The following INVS variants were observed in gnomAD, a reference collection of about 807,000 sequenced individuals.
INVS encodes the protein inversin.
A neutral mutation model predicts 108.8 loss-of-function variants in INVS; 86 were observed. That is an observed-to-expected ratio of 0.79 (90% CI 0.66 to 0.95). The LOEUF is 0.95. Ranked by LOEUF, INVS falls within the 40% of genes least tolerant of loss-of-function variation. INVS has a pLI of 0.00. For synonymous variants in INVS, 455 were observed against 473.5 expected (o/e 0.96, Z 0.51); for missense variants, 1,169 against 1,297.4 (o/e 0.90, Z 1.52).
At chr9:100,145,029 T>G (rs1828556063) in intron 3 of INVS, among the ~76,000 whole-genome samples, 1 of 152,164 alleles carries the variant, frequency 6.6e-6, no homozygotes, top group Non-Finnish European at 1.5e-5. Context: ...TCTGTCTATT[T>G]GGAACCACTG....
chr9:100,300,053 C>T (rs577953089), intron 16 of INVS, among the ~76,000 whole-genome samples: 3 of 152,260 alleles, frequency 2.0e-5, no homozygotes, highest in South Asian at 4.1e-4. Context: ...TATCATTTGT[C>T]AAAGTATATC....
At chr9:100,259,354 C>G (rs756370545) in intron 10 of INVS, among the ~76,000 whole-genome samples, 1 of 152,084 alleles carries the variant, frequency 6.6e-6, no homozygotes, top group Non-Finnish European at 1.5e-5. Context: ...GGGAATTCCC[C>G]GACCCCTTGC....
At chr9:100,134,662 T>A (rs571291572) in intron 3 of INVS, among the ~76,000 whole-genome samples, 16 of 152,296 alleles carry the variant, frequency 1.1e-4, no homozygotes, top group African/African-American at 3.6e-4. Flanking sequence ...TGGTATTGTG[T>A]TGTGGTTTTG....
chr9:100,144,077 A>G (rs963132276), intron 3 of INVS, among the ~76,000 whole-genome samples: 1 of 151,948 alleles, frequency 6.6e-6, no homozygotes, highest in Non-Finnish European at 1.5e-5. Flanking sequence ...GTGGGGTCCT[A>G]CACAGATGGG....
At chr9:100,239,662 C>T (rs1035141998) in intron 5 of INVS, among the ~76,000 whole-genome samples, 9 of 152,038 alleles carry the variant, frequency 5.9e-5, no homozygotes, top group African/African-American at 1.4e-4. Context: ...GGTCTTATTT[C>T]GAAAATTCCT....
intron 3 of INVS, among the ~76,000 whole-genome samples, chr9:100,140,600 TC>T (rs1223878697): frequency 1.3e-5 from 2 of 152,178 alleles, no homozygotes; most frequent in African/African-American, 4.8e-5. Context: ...ATTCCTGTCT[TC>T]TTATATTAAT....
At chr9:100,164,309 A>G (rs1829289884) in intron 3 of INVS, among the ~76,000 whole-genome samples, 1 of 152,166 alleles carries the variant, frequency 6.6e-6, no homozygotes, top group African/African-American at 2.4e-5. Flanking sequence ...ATACATTGTT[A>G]TTAACTCTAG....
chr9:100,173,493 C>G (rs1044303351), intron 3 of INVS, among the ~76,000 whole-genome samples: 1 of 152,074 alleles, frequency 6.6e-6, no homozygotes, highest in African/African-American at 2.4e-5. Context: ...TTTGGGAGGC[C>G]AAGGCAGGTG....
At chr9:100,152,226 C>CTTTT (rs151283376) in intron 3 of INVS, among the ~76,000 whole-genome samples, 31,738 of 151,808 alleles carry the variant, frequency 0.21, 5,604 homozygotes, top group African/African-American at 0.49. Context: ...TCTTAGTCAT[C>CTTTT]TTATTTCCAA....
intron 12 of INVS, among the ~76,000 whole-genome samples, chr9:100,278,837 A>C (rs1338124): frequency 0.33 from 50,927 of 152,064 alleles, 9,205 homozygotes; most frequent in Non-Finnish European, 0.42. Flanking sequence ...TTACATATTC[A>C]TTTTGTTTTC....
At chr9:100,287,347 G>A (rs1833477520) in intron 13 of INVS, among the ~76,000 whole-genome samples, 1 of 152,180 alleles carries the variant, frequency 6.6e-6, no homozygotes, top group Non-Finnish European at 1.5e-5. Context: ...ATCAAAGCAA[G>A]TTACGAGACC....
chr9:100,281,094 A>C (rs564671805), intron 12 of INVS, among the ~76,000 whole-genome samples: 1 of 152,236 alleles, frequency 6.6e-6, no homozygotes, highest in East Asian at 1.9e-4. Flanking sequence ...TGGCATCCCC[A>C]GCTTCTTTGT....
intron 2 of INVS, among the ~76,000 whole-genome samples, chr9:100,125,309 T>C (rs912691641): frequency 1.3e-5 from 2 of 152,336 alleles, no homozygotes; most frequent in East Asian, 1.9e-4. Flanking sequence ...TCTTTTATTG[T>C]ATGTGTTTTG....
intron 16 of INVS, chr9:100,298,467 G>T (rs987049876): frequency 2.8e-6 from 1 of 356,666 alleles, no homozygotes; most frequent in African/African-American, 2.2e-5. Context: ...GAAGCTCAGG[G>T]AACTTTCTTT....
intron 12 of INVS, among the ~76,000 whole-genome samples, chr9:100,280,907 G>A (rs982279082): frequency 7.5e-4 from 114 of 152,082 alleles, no homozygotes; most frequent in African/African-American, 2.7e-3. Flanking sequence ...GGGCAACATA[G>A]GGAGACCTTG....
chr9:100,124,437 A>T (rs1393812000), intron 2 of INVS, among the ~76,000 whole-genome samples: 1 of 151,862 alleles, frequency 6.6e-6, no homozygotes, highest in Non-Finnish European at 1.5e-5. Flanking sequence ...ATTAAAGAGG[A>T]TAAGCCAGGC....
intron 13 of INVS, among the ~76,000 whole-genome samples, chr9:100,286,003 T>C (rs750181128): frequency 7.2e-5 from 11 of 152,224 alleles, no homozygotes; most frequent in Non-Finnish European, 1.5e-4. Context: ...CCTGACCTTA[T>C]GGACTTTCTC....
intron 12 of INVS, among the ~76,000 whole-genome samples, chr9:100,277,057 CT>C (rs1439536341): frequency 4.6e-5 from 7 of 152,148 alleles, no homozygotes; most frequent in Non-Finnish European, 7.4e-5. Context: ...TCTTGTGATG[CT>C]TAAGTCCCTT....
chr9:100,123,830 G>A (rs892676450), intron 2 of INVS, among the ~76,000 whole-genome samples: 1 of 152,080 alleles, frequency 6.6e-6, no homozygotes, highest in South Asian at 2.1e-4. Flanking sequence ...CTTATATTGT[G>A]GTTTTTGTTC....
Sources: gnomAD v4.1 joint callset for allele counts (sites outside exome capture counted in the v4.1 genomes callset) on GRCh38, gnomAD v4.1.1 for gene constraint, MANE v1.5 for transcripts, NCBI Gene and HGNC (gene_info 2026-07-23, HGNC 2026-07-21) for gene names.